The following IPP variants were observed in gnomAD, a reference collection of about 807,000 sequenced individuals.
IPP encodes intracisternal A particle-promoted polypeptide.
In IPP, 41 loss-of-function variants were observed where a neutral mutation model predicts 64.1. The observed-to-expected ratio is 0.64, with a 90% CI of 0.50 to 0.83. The LOEUF (loss-of-function observed/expected upper bound fraction) is 0.83, where lower values mean the gene tolerates loss of function less well. Ranked by LOEUF, IPP falls within the 40% of genes least tolerant of loss-of-function variation. The pLI, the probability that IPP is intolerant of heterozygous loss-of-function variation, is 0.00. For missense variants in IPP, 649 were observed against 703.0 expected, an observed-to-expected ratio of 0.92 and a Z score of 0.87; for synonymous variants, 214 against 235.2, an observed-to-expected ratio of 0.91 and a Z score of 0.83.
intron 8 of IPP, among the ~76,000 whole-genome samples, chr1:45,709,260 C>T (rs966587205): frequency 6.7e-6 from 1 of 148,910 alleles, no homozygotes; most frequent in East Asian, 2.0e-4. Context: ...AGTGAAACCC[C>T]GTCTCTACTA....
In IPP at chr1:45,714,226, T is replaced by C; in HGVS notation, c.1530+20A>G. ...TAAAAGAATATCAGGATACTAAATA[T>C]CTGAAATCATCCAACCTACCTCTTC... On this transcript the variant is annotated intron_variant, in intron 8 of 8. Coordinates refer to ENST00000396478, the MANE Select transcript of IPP (RefSeq NM_005897.3). The C allele has an allele frequency of 6.6e-7, 1 of 1,517,660 alleles. No individual in the cohort carries two copies. The highest frequency in any genetic ancestry group is 9.2e-7 in the Non-Finnish European group (1 of 1,092,194). The allele number at this position is 1,517,660 out of a possible 1,614,324, so 94.0% of individuals were successfully genotyped here.
chr1:45,700,283 C>G, intron 8 of IPP, 93 bp from the exon 9 acceptor site: 1 of 1,467,062 alleles, frequency 6.8e-7, no homozygotes. Flanking sequence ...GTTCTTTTTA[C>G]ATGTTTAAAT....
intron 3 of IPP, among the ~76,000 whole-genome samples, chr1:45,731,789 AGCCAG>A (rs1179049956): frequency 6.6e-6 from 1 of 152,024 alleles, no homozygotes; most frequent in Non-Finnish European, 1.5e-5. Flanking sequence ...TACAAAAATT[AGCCAG>A]GCATGGTGGC....
At chr1:45,717,221 GAAAAA>G (rs56338317) in intron 6 of IPP, among the ~76,000 whole-genome samples, 67 of 95,254 alleles carry the variant, frequency 7.0e-4, no homozygotes, top group African/African-American at 1.1e-3. Context: ...GCTCTTTTGA[GAAAAA>G]AAAAAAAAAA....
intron 5 of IPP, among the ~76,000 whole-genome samples, chr1:45,725,056 G>A (rs1645795876): frequency 6.8e-6 from 1 of 147,650 alleles, no homozygotes; most frequent in East Asian, 2.1e-4. Context: ...CCCCGTCCGG[G>A]AGGGAGGTGG....
intron 7 of IPP, among the ~76,000 whole-genome samples, chr1:45,715,082 C>T (rs1557743462): frequency 6.6e-6 from 1 of 151,228 alleles, no homozygotes. Flanking sequence ...GCAGTCCCAG[C>T]TACTTAGGAG....
chr1:45,729,010 G>A (rs909731525), intron 4 of IPP, among the ~76,000 whole-genome samples: 2 of 150,952 alleles, frequency 1.3e-5, no homozygotes, highest in African/African-American at 4.9e-5. Context: ...GCTGGGCATG[G>A]TGGCGCATGC....
At chr1:45,694,710 G>T, downstream of IPP, 1 of 509,538 alleles carries the variant, frequency 2.0e-6, no homozygotes, top group South Asian at 2.7e-5. Flanking sequence ...GTTTTTATTA[G>T]GATATTTGGC....
intron 5 of IPP, among the ~76,000 whole-genome samples, chr1:45,725,054 G>C (rs1570002589): frequency 1.4e-5 from 2 of 142,958 alleles, no homozygotes. Flanking sequence ...CGCCCCGTCC[G>C]GGAGGGAGGT....
chr1:45,738,107 G>C (rs544175007), intron 3 of IPP, among the ~76,000 whole-genome samples: 1 of 152,130 alleles, frequency 6.6e-6, no homozygotes, highest in East Asian at 1.9e-4. Context: ...CATCCACTGG[G>C]GGGTTCTTAG....
At chr1:45,695,902 C>A (rs532784757), downstream of IPP, among the ~76,000 whole-genome samples, 1 of 152,312 alleles carries the variant, frequency 6.6e-6, no homozygotes, top group East Asian at 1.9e-4. Flanking sequence ...CTCCCAACTT[C>A]AGGTGACCCA....
intron 3 of IPP, among the ~76,000 whole-genome samples, chr1:45,732,361 C>CAAAAAAAAAAAAAAAAAAAAA (rs779442718): frequency 1.7e-5 from 1 of 59,770 alleles, no homozygotes; most frequent in Non-Finnish European, 2.8e-5. Context: ...GACTCCACCT[C>CAAAAAAAAAAAAAAAAAAAAA]AAAAAAAAAA....
At chr1:45,747,851 A>C (rs1646160143) in intron 1 of IPP, among the ~76,000 whole-genome samples, 1 of 149,464 alleles carries the variant, frequency 6.7e-6, no homozygotes, top group East Asian at 1.9e-4. Context: ...AAAAAAAAAA[A>C]AAAAAAAAAA....
At chr1:45,697,676 CG>C (rs1645399009), downstream of IPP, among the ~76,000 whole-genome samples, 1 of 151,948 alleles carries the variant, frequency 6.6e-6, no homozygotes, top group South Asian at 2.1e-4. Context: ...AATGGGAAAT[CG>C]GCAGAGTGCG....
intron 8 of IPP, among the ~76,000 whole-genome samples, chr1:45,701,723 A>C (rs2148546048): frequency 6.6e-6 from 1 of 152,360 alleles, no homozygotes; most frequent in South Asian, 2.1e-4. Flanking sequence ...CTTTAAATAA[A>C]GCATATGATG....
chr1:45,748,996 T>G (rs1456964074), intron 1 of IPP, among the ~76,000 whole-genome samples: 66 of 143,536 alleles, frequency 4.6e-4, no homozygotes, highest in Middle Eastern at 3.7e-3. Context: ...AAAAAGGGGG[T>G]GGGGGCGGAG....
In IPP at chr1:45,699,762, A is replaced by G; in HGVS notation, c.*204T>C. ...ACTACAACCTCAAATTCCTGGGCTC[A>G]AGTGATCCTTCTGCCTCAGCCTTCC... On this transcript the variant is annotated 3_prime_UTR_variant, in exon 9 of 9. Transcript: ENST00000396478. 1 of 1,343,482 alleles carries G rather than the reference A, an allele frequency of 7.4e-7. No individual in the cohort carries two copies. The highest frequency in any genetic ancestry group is 9.7e-7 in the Non-Finnish European group (1 of 1,030,898). The allele number at this position is 1,343,482 out of a possible 1,614,324, so 83.2% of individuals were successfully genotyped here. A position where few individuals can be genotyped will look rare whatever the true frequency, so the allele number is the denominator to read the frequency against.
intron 8 of IPP, among the ~76,000 whole-genome samples, chr1:45,705,932 T>G (rs1185274192): frequency 6.6e-6 from 1 of 152,056 alleles, no homozygotes; most frequent in East Asian, 1.9e-4. Flanking sequence ...CTGGAGGGGC[T>G]TTTTGAAAAC....
chr1:45,731,678 C>T (rs1004997896), intron 3 of IPP, among the ~76,000 whole-genome samples: 1 of 151,338 alleles, frequency 6.6e-6, no homozygotes, highest in African/African-American at 2.4e-5. Context: ...GCTCACGCTT[C>T]TAATCCCAGC....
Sources: gnomAD v4.1 joint callset for allele counts (sites outside exome capture counted in the v4.1 genomes callset) on GRCh38, gnomAD v4.1.1 for gene constraint, MANE v1.5 for transcripts, NCBI Gene and HGNC (gene_info 2026-07-23, HGNC 2026-07-21) for gene names.